Variants in SMU1 observed in about 807,000 individuals in gnomAD.
SMU1 encodes the protein WD40 repeat-containing protein SMU1.
In SMU1, 2 loss-of-function variants were observed where a neutral mutation model predicts 62.0. The observed-to-expected ratio is 0.03, with a 90% CI of 0.01 to 0.10. SMU1 has a LOEUF of 0.10. Among genes scored for constraint, SMU1 ranks in the 10% least tolerant of loss-of-function variants. The probability of loss-of-function intolerance (pLI) is 1.00; values close to 1 mark genes in which losing one functional copy is unlikely to be tolerated. For synonymous variants in SMU1, 188 were observed against 212.4 expected, an observed-to-expected ratio of 0.89 and a Z score of 1.00; for missense variants, 227 against 622.1, an observed-to-expected ratio of 0.36 and a Z score of 6.76.
chr9:33,050,696 G>A (rs1329102365), intron 10 of SMU1, among the ~76,000 whole-genome samples: 1 of 151,818 alleles, frequency 6.6e-6, no homozygotes, highest in African/African-American at 2.4e-5. Context: ...TGCAGTGGGA[G>A]GCGCCTGTAA....
Position 33,042,435 on chromosome 9 carries a change from T to A in SMU1, c.*4858A>T, listed in dbSNP as rs765639975. The A allele has an allele frequency of 2.6e-5, 4 of 152,538 alleles. No individual in the cohort carries two copies. Among genetic ancestry groups the A allele is most frequent in the Non-Finnish European group, 5.9e-5 (4 of 68,028 alleles). 9.4% of individuals were successfully genotyped at this position (152,538 alleles called of 1,614,324 possible). A position where few individuals can be genotyped will look rare whatever the true frequency, so the allele number is the denominator to read the frequency against. On this transcript the variant is annotated 3_prime_UTR_variant, in exon 12 of 12. Coordinates refer to ENST00000397149, the MANE Select transcript of SMU1 (RefSeq NM_018225.3). ...CAAAAATACAAGTTCCAGCACTAAC[T>A]CTGCTTTCTCTGTGATGCTTCTCCT... is the stretch of plus-strand genomic sequence containing the variant.
intron 6 of SMU1, among the ~76,000 whole-genome samples, chr9:33,057,948 T>C (rs747651716): frequency 3.9e-5 from 6 of 152,230 alleles, no homozygotes; most frequent in Non-Finnish European, 8.8e-5. Flanking sequence ...CATACTACTC[T>C]AGATCTTTTC....
Position 33,044,372 on chromosome 9 carries a change from AGTCTCCCTACCCCCGGTAAG to A in SMU1, c.*2901_*2920del, listed in dbSNP as rs1839159912. On this transcript the variant is annotated 3_prime_UTR_variant, in exon 12 of 12. Coordinates refer to ENST00000397149, the MANE Select transcript of SMU1 (RefSeq NM_018225.3). ...TGACAGTTGGCTCTAGCGGGTGCGCAGTCTCCCTACCCCCGGTAAGGGGCTCTACCGGCCCTGGACCCAAG... is the reference window on the plus strand; with the variant it reads ...TGACAGTTGGCTCTAGCGGGTGCGCAGGGCTCTACCGGCCCTGGACCCAAG... 1 of 152,252 alleles carries A rather than the reference AGTCTCCCTACCCCCGGTAAG, an allele frequency of 6.6e-6. No individual in the cohort carries two copies. The highest frequency in any genetic ancestry group is 2.4e-5 in the African/African-American group (1 of 41,460). 9.4% of individuals were successfully genotyped at this position (152,252 alleles called of 1,614,324 possible). A position where few individuals can be genotyped will look rare whatever the true frequency, so the allele number is the denominator to read the frequency against.
intron 6 of SMU1, 132 bp from the exon 7 acceptor site, chr9:33,057,846 A>G (rs2274765): frequency 0.14 from 145,182 of 1,071,888 alleles, 10,451 homozygotes; most frequent in Non-Finnish European, 0.15. Flanking sequence ...AGTGCCGTGC[A>G]TACACGTTCC....
chr9:33,060,352 T>A (rs928495143), intron 6 of SMU1, 113 bp downstream of exon 6: 24 of 915,332 alleles, frequency 2.6e-5, no homozygotes, highest in Non-Finnish European at 3.3e-5. Flanking sequence ...AAGTAATACA[T>A]GTTCATTACA....
chr9:33,053,075 T>G (rs1399453690), intron 10 of SMU1, 48 bp downstream of exon 10: 1 of 1,574,602 alleles, frequency 6.4e-7, no homozygotes, highest in Non-Finnish European at 8.7e-7. Context: ...AGTGCTGATT[T>G]GGGAATGGCC....
rs1417440460 is a variant in SMU1, at chr9:33,042,461, G to C, written c.*4832C>G. ...CTGCTTTCTCTGTGATGCTTCTCCT[G>C]CCCATTCATACTTGTAGGGAATAGG... is the stretch of plus-strand genomic sequence containing the variant. On this transcript the variant is annotated 3_prime_UTR_variant, in exon 12 of 12. Transcript: ENST00000397149. The C allele has an allele frequency of 6.6e-6, 1 of 152,490 alleles. No individual in the cohort carries two copies. Among genetic ancestry groups the C allele is most frequent in the East Asian group, 1.9e-4 (1 of 5,204 alleles). 9.4% of individuals were successfully genotyped at this position (152,490 alleles called of 1,614,324 possible).
Position 33,057,667 on chromosome 9 carries a change from A to G in SMU1, c.798T>C (p.Ala266=). ...AQDNFMMMDD[A]VLCMCFSRDT... ...CTCTGCTGAAACACATGCAGAGGAC[A>G]GCATCATCCATCATCATAAAGTTAT... The change falls in exon 7 of 12, where the codon GCT becomes GCC. Residue 266 remains alanine, a synonymous_variant. Transcript: ENST00000397149. 6.2e-7 allele frequency: 1 copy of G among 1,613,900 alleles called. No individual in the cohort carries two copies. The highest frequency in any genetic ancestry group is 8.5e-7 in the Non-Finnish European group (1 of 1,179,886).
chr9:33,062,345 G>A, intron 4 of SMU1, 168 bp from the exon 5 acceptor site: 1 of 395,400 alleles, frequency 2.5e-6, no homozygotes, highest in Non-Finnish European at 3.4e-6. Flanking sequence ...GCTCCCCTGT[G>A]TGTCCAAGAA....
Position 33,067,715 on chromosome 9 carries a change from T to C in SMU1, c.501+1109A>G, listed in dbSNP as rs556296195. On this transcript the variant is annotated intron_variant, in intron 4 of 11. Transcript: ENST00000397149. Reference sequence around the variant, plus strand: ...GGTTTCACCATGTTGGCCAGGCTCATCTCGAGCCCCTGATCTCAGGTGATC... The same window carrying C: ...GGTTTCACCATGTTGGCCAGGCTCACCTCGAGCCCCTGATCTCAGGTGATC... Among the ~76,000 whole-genome samples the C allele has an allele frequency of 4.6e-5, 7 of 152,022 alleles. No homozygotes were observed. The East Asian group carries it at 1.4e-3, about 29-fold the overall frequency.
chr9:33,068,990 G>A, intron 3 of SMU1, 56 bp from the exon 4 acceptor site: 1 of 1,578,820 alleles, frequency 6.3e-7, no homozygotes, highest in Non-Finnish European at 8.6e-7. Flanking sequence ...AGATATGAGT[G>A]TGCTTATTTA....
intron 2 of SMU1, among the ~76,000 whole-genome samples, chr9:33,072,783 C>T (rs554791587): frequency 4.7e-5 from 7 of 149,094 alleles, no homozygotes; most frequent in Admixed American, 2.0e-4. Context: ...GAGCAGAGAT[C>T]GCACCACTGC....
At chr9:33,073,962 G>T (rs1469760710) in intron 1 of SMU1, 156 bp from the exon 2 acceptor site, 1 of 212,446 alleles carries the variant, frequency 4.7e-6, no homozygotes, top group Admixed American at 6.5e-5. Context: ...ATTATAAGGG[G>T]ACCCCCCCTA....
chr9:33,055,778 G>A (rs529182122), intron 9 of SMU1, among the ~76,000 whole-genome samples: 1 of 152,332 alleles, frequency 6.6e-6, no homozygotes, highest in African/African-American at 2.4e-5. Context: ...GAATTTGACT[G>A]TTAGCAGGTG....
intron 6 of SMU1, among the ~76,000 whole-genome samples, chr9:33,059,630 A>C (rs1012629447): frequency 1.4e-5 from 2 of 141,280 alleles, no homozygotes; most frequent in Non-Finnish European, 3.1e-5. Flanking sequence ...CCCGAGATGG[A>C]GTTTCGCTCT....
At chr9:33,049,328 A>G (rs1448028322) in intron 10 of SMU1, among the ~76,000 whole-genome samples, 1 of 152,234 alleles carries the variant, frequency 6.6e-6, no homozygotes, top group East Asian at 1.9e-4. Context: ...CAAAAGCAAT[A>G]TAATAGAGAA....
At position 33,073,727 on chromosome 9, in the gene SMU1, C is replaced by A. The variant is rs764925690; in HGVS notation, c.106G>T (p.Val36Leu). The change falls in exon 2 of 12, where the codon GTG becomes TTG. Residue 36 changes from valine to leucine, a missense_variant. By Grantham distance (32) the Val-to-Leu change is conservative. Around this residue, in one of 5 missense-constraint regions of SMU1, gnomAD observed 99 missense variants for 270.3 expected, o/e 0.37. Transcript: ENST00000397149. ...ALATLQEETTVSLNTVDSIES... is the reference protein window; with the variant it reads ...ALATLQEETTLSLNTVDSIES... ...ATGCTGTCCACAGTATTCAGAGACA[C>A]AGTAGTCTCCTCCTGCAAGGTGGCT... 1 of 1,614,062 alleles carries A rather than the reference C, an allele frequency of 6.2e-7. No individual in the cohort carries two copies. The highest frequency in any genetic ancestry group is 8.5e-7 in the Non-Finnish European group (1 of 1,180,016).
chr9:33,072,743 C>A (rs765242863), intron 2 of SMU1, among the ~76,000 whole-genome samples: 1 of 149,886 alleles, frequency 6.7e-6, no homozygotes, highest in Admixed American at 6.7e-5. Flanking sequence ...GCAGGAGAAT[C>A]GCTTGAACCC....
chr9:33,068,777 T>C (rs1839454504), intron 4 of SMU1, 47 bp downstream of exon 4: 2 of 1,601,912 alleles, frequency 1.2e-6, no homozygotes, highest in Non-Finnish European at 1.7e-6. Context: ...AGTGCAAGGA[T>C]GACAGGTGTG....
Sources: gnomAD v4.1 joint callset for allele counts (sites outside exome capture counted in the v4.1 genomes callset) on GRCh38, gnomAD v4.1.1 for gene constraint, gnomAD v4.1.1 regional missense constraint, MANE v1.5 for transcripts, NCBI Gene and HGNC (gene_info 2026-07-23, HGNC 2026-07-21) for gene names.